TTC7B: variants seen among roughly 807,000 people sequenced by gnomAD.
TTC7B encodes the protein tetratricopeptide repeat protein 7B.
In TTC7B, 28 loss-of-function variants were observed where a neutral mutation model predicts 106.8. The ratio of observed to expected loss-of-function variants is 0.26; its 90% CI spans 0.19 to 0.36. TTC7B has a LOEUF of 0.36. Among genes scored for constraint, TTC7B ranks in the 10% least tolerant of loss-of-function variants. TTC7B has a pLI of 1.00. For synonymous variants in TTC7B, 405 were observed against 430.6 expected, an observed-to-expected ratio of 0.94 and a Z score of 0.74; for missense variants, 862 against 1,076.4, an observed-to-expected ratio of 0.80 and a Z score of 2.79.
chr14:90,626,523 AC>A lies in TTC7B; in HGVS notation c.1752-8479del, dbSNP rs1384300477. Among the ~76,000 whole-genome samples, 31 of 152,314 alleles carry A rather than the reference AC, an allele frequency of 2.0e-4. No homozygotes were observed. In the South Asian group the frequency reaches 6.4e-3, roughly 32 times the overall value. On this transcript the variant is annotated intron_variant, in intron 15 of 19. Transcript: ENST00000328459. ...TCATACTGTCACCCCCATAAAGGGC[AC>A]CTGCTTGAGTCTGCAGAGCACTGAG...
intron 19 of TTC7B, chr14:90,569,539 G>T (rs941549625): frequency 6.6e-6 from 1 of 152,340 alleles, no homozygotes; most frequent in East Asian, 1.9e-4. Flanking sequence ...GAGCACAGGG[G>T]GTCTGGCCCA....
intron 6 of TTC7B, among the ~76,000 whole-genome samples, chr14:90,693,312 G>A (rs1282978805): frequency 6.6e-6 from 1 of 152,008 alleles, no homozygotes; most frequent in African/African-American, 2.4e-5. Flanking sequence ...ATAGGAAAGT[G>A]AAAGGATTAA....
chr14:90,755,554 G>A (rs1439142320), intron 3 of TTC7B, among the ~76,000 whole-genome samples: 1 of 152,166 alleles, frequency 6.6e-6, no homozygotes, highest in Non-Finnish European at 1.5e-5. Flanking sequence ...AGCTACTCAA[G>A]AGGCTGAGAT....
At chr14:90,587,413 GT>G (rs1224669519) in intron 18 of TTC7B, among the ~76,000 whole-genome samples, 2 of 152,218 alleles carry the variant, frequency 1.3e-5, no homozygotes, top group Admixed American at 6.5e-5. Flanking sequence ...ACTCCTCAGG[GT>G]TCATGCCCCA....
intron 14 of TTC7B, among the ~76,000 whole-genome samples, chr14:90,646,153 G>A (rs564747632): frequency 3.5e-4 from 54 of 152,318 alleles, no homozygotes; most frequent in African/African-American, 1.3e-3. Flanking sequence ...CAAGCAACCA[G>A]GAAGACAGGT....
intron 1 of TTC7B, among the ~76,000 whole-genome samples, chr14:90,800,565 A>G (rs1226711612): frequency 6.6e-6 from 1 of 152,128 alleles, no homozygotes; most frequent in Non-Finnish European, 1.5e-5. Flanking sequence ...TAATCCCAGC[A>G]CTTTGGGAGG....
At chr14:90,702,530 TA>T (rs1023132609) in intron 5 of TTC7B, among the ~76,000 whole-genome samples, 108 of 147,812 alleles carry the variant, frequency 7.3e-4, no homozygotes, top group African/African-American at 1.7e-3. Flanking sequence ...ATCATTGTTT[TA>T]AAAAAAAAAA....
chr14:90,698,939 C>T, intron 5 of TTC7B: 2 of 331,438 alleles, frequency 6.0e-6, no homozygotes, highest in Non-Finnish European at 1.2e-5. Flanking sequence ...CTACTCTTCC[C>T]TTGACCTACT....
chr14:90,582,506 T>C (rs1451912235), intron 18 of TTC7B, among the ~76,000 whole-genome samples: 1 of 152,218 alleles, frequency 6.6e-6, no homozygotes, highest in Non-Finnish European at 1.5e-5. Flanking sequence ...GCCACATCCA[T>C]CAGGAGCACA....
At chr14:90,638,436 C>T (rs1257797770) in intron 15 of TTC7B, among the ~76,000 whole-genome samples, 2 of 152,004 alleles carry the variant, frequency 1.3e-5, no homozygotes, top group African/African-American at 4.8e-5. Flanking sequence ...ACCTTCGCAA[C>T]AAGTACATAG....
At chr14:90,760,827 C>T (rs947713499) in intron 3 of TTC7B, among the ~76,000 whole-genome samples, 1 of 152,190 alleles carries the variant, frequency 6.6e-6, no homozygotes, top group Non-Finnish European at 1.5e-5. Context: ...TGAATCCTGA[C>T]CAACAAGCCA....
At chr14:90,672,926 G>A (rs1234612501) in intron 9 of TTC7B, among the ~76,000 whole-genome samples, 2 of 152,148 alleles carry the variant, frequency 1.3e-5, no homozygotes, top group African/African-American at 2.4e-5. Flanking sequence ...TCTCCCAACT[G>A]TCTGAGATAT....
At chr14:90,769,358 C>T (rs1467310572) in intron 3 of TTC7B, among the ~76,000 whole-genome samples, 4 of 152,146 alleles carry the variant, frequency 2.6e-5, no homozygotes, top group Non-Finnish European at 5.9e-5. Context: ...TTAAACTCTC[C>T]AATCAAAAGA....
intron 18 of TTC7B, among the ~76,000 whole-genome samples, chr14:90,580,709 C>T (rs76425740): frequency 0.049 from 7,514 of 152,278 alleles, 584 homozygotes; most frequent in African/African-American, 0.17. Context: ...CCTTCAGGGC[C>T]CAGATGGATC....
chr14:90,809,825 C>T (rs74085572), intron 1 of TTC7B, among the ~76,000 whole-genome samples: 3,621 of 152,284 alleles, frequency 0.024, 69 homozygotes, highest in African/African-American at 0.055. Context: ...ATGCCAAAAT[C>T]GGTGGAGTAG....
chr14:90,615,924 G>C (rs969740730), intron 16 of TTC7B, among the ~76,000 whole-genome samples: 1 of 152,136 alleles, frequency 6.6e-6, no homozygotes, highest in African/African-American at 2.4e-5. Flanking sequence ...ACCAGACACT[G>C]CCTGGAGCCA....
chr14:90,570,582 C>T lies in TTC7B; in HGVS notation c.2310+7524G>A, dbSNP rs1449499390. Among the ~76,000 whole-genome samples, 3 of 151,980 alleles carry T rather than the reference C, an allele frequency of 2.0e-5. No individual in the cohort carries two copies. The highest frequency in any genetic ancestry group is 1.3e-4 in the Admixed American group (2 of 15,266). ...AAAAGCGAAGCATCGTGCTCGCGGCCGACCACGCACCGAGATATATTCTCA... is the reference window on the plus strand; with the variant it reads ...AAAAGCGAAGCATCGTGCTCGCGGCTGACCACGCACCGAGATATATTCTCA... On this transcript the variant is annotated intron_variant, in intron 19 of 19. Transcript: ENST00000328459. The surrounding 1 kb of genome is among the most constrained non-coding windows in gnomAD (Gnocchi z 4.0).
chr14:90,594,386 A>G lies in TTC7B; in HGVS notation c.1967-760T>C, dbSNP rs1038306246. Reference sequence around the variant, plus strand: ...CTAGTCAAGGGTTGGGGGAGTGCACAAGTCAAAATGCAAAACTCATTTCTT... The same window carrying G: ...CTAGTCAAGGGTTGGGGGAGTGCACGAGTCAAAATGCAAAACTCATTTCTT... On this transcript the variant is annotated intron_variant, in intron 17 of 19. Coordinates refer to ENST00000328459, the MANE Select transcript of TTC7B (RefSeq NM_001010854.2). Among the ~76,000 whole-genome samples, 3 of 152,012 alleles carry G rather than the reference A, an allele frequency of 2.0e-5. No homozygotes were observed. In the South Asian group the frequency reaches 6.2e-4, roughly 32 times the overall value.
chr14:90,769,187 AG>A (rs1294510176), intron 3 of TTC7B, among the ~76,000 whole-genome samples: 1 of 152,226 alleles, frequency 6.6e-6, no homozygotes, highest in Non-Finnish European at 1.5e-5. Flanking sequence ...TATACACAAA[AG>A]GAAATGAGAA....
Sources: allele counts gnomAD v4.1 joint callset (sites outside exome capture counted in the v4.1 genomes callset), GRCh38; gene constraint gnomAD v4.1.1; non-coding constraint Gnocchi (gnomAD v3.1); transcripts MANE v1.5; gene names NCBI Gene and HGNC (gene_info 2026-07-23, HGNC 2026-07-21).